Variants in DICER1 observed in about 807,000 individuals in gnomAD.
The protein encoded by DICER1 is endoribonuclease Dicer.
Under a neutral mutation model 194.1 loss-of-function variants are expected in DICER1, and 43 were observed. That is an observed-to-expected ratio of 0.22 (90% CI 0.17 to 0.29). The LOEUF is 0.29. Among genes scored for constraint, DICER1 ranks in the 10% least tolerant of loss-of-function variants. The pLI, the probability that DICER1 is intolerant of heterozygous loss-of-function variation, is 1.00. For missense variants in DICER1, 1,608 were observed against 2,317.0 expected, an observed-to-expected ratio of 0.69 and a Z score of 6.28; for synonymous variants, 832 against 820.5, an observed-to-expected ratio of 1.01 and a Z score of -0.24.
intron 1 of DICER1, among the ~76,000 whole-genome samples, chr14:95,143,524 T>C (rs1376211752): frequency 2.0e-5 from 3 of 152,166 alleles, no homozygotes; most frequent in Admixed American, 6.5e-5. Context: ...TAGGAGGAGA[T>C]GGGCCTAATC....
intron 4 of DICER1, among the ~76,000 whole-genome samples, 190 bp from the exon 5 acceptor site, chr14:95,130,382 GAA>G (rs902258876): frequency 1.3e-5 from 2 of 152,168 alleles, no homozygotes; most frequent in Non-Finnish European, 2.9e-5. Flanking sequence ...GAAAGCATGG[GAA>G]AAGAGTAGAG....
chr14:95,097,470 C>A (rs1448268136), intron 22 of DICER1, among the ~76,000 whole-genome samples: 1 of 152,164 alleles, frequency 6.6e-6, no homozygotes, highest in Non-Finnish European at 1.5e-5. Flanking sequence ...TGAAACACAA[C>A]AATCCAATTT....
In DICER1 at chr14:95,090,420, G is replaced by A. The variant is rs1429164565; in HGVS notation, c.*78C>T. 6.5e-7 allele frequency: 1 copy of A among 1,527,974 alleles called. No homozygotes were observed. Among genetic ancestry groups the A allele is most frequent in the East Asian group, 2.3e-5 (1 of 44,418 alleles). The allele number at this position is 1,527,974 out of a possible 1,614,324, so 94.7% of individuals were successfully genotyped here. A position where few individuals can be genotyped will look rare whatever the true frequency, so the allele number is the denominator to read the frequency against. ...TCATTCCACTCACTAACAACTTTAA[G>A]TCTTCCTTTCCGATTTAAATAATTT... On this transcript the variant is annotated 3_prime_UTR_variant, in exon 27 of 27. Coordinates refer to ENST00000343455, the MANE Select transcript of DICER1 (RefSeq NM_177438.3).
chr14:95,140,204 G>C (rs1397351905), intron 1 of DICER1, among the ~76,000 whole-genome samples: 1 of 152,122 alleles, frequency 6.6e-6, no homozygotes, highest in East Asian at 1.9e-4. Flanking sequence ...AACTAGTGAG[G>C]TTGTTTCATA....
chr14:95,095,271 T>G (rs17784006), intron 23 of DICER1: 10,155 of 160,674 alleles, frequency 0.063, 408 homozygotes, highest in Non-Finnish European at 0.086. Flanking sequence ...TGACAGTCTA[T>G]TAAAAGAGGG....
At chr14:95,118,182 C>A (rs1189637859) in intron 8 of DICER1, among the ~76,000 whole-genome samples, 1 of 152,178 alleles carries the variant, frequency 6.6e-6, no homozygotes, top group Non-Finnish European at 1.5e-5. Context: ...CAACTCAACA[C>A]CCTTCTCTAG....
chr14:95,147,543 A>C (rs1204864026), intron 1 of DICER1, among the ~76,000 whole-genome samples: 1 of 152,170 alleles, frequency 6.6e-6, no homozygotes, highest in Non-Finnish European at 1.5e-5. Context: ...AACACACACA[A>C]ACTGTTTTTC....
chr14:95,090,746 G>T, intron 26 of DICER1, 83 bp from the exon 27 acceptor site: 1 of 1,501,888 alleles, frequency 6.7e-7, no homozygotes, highest in Non-Finnish European at 9.2e-7. Context: ...GCACTCTCAG[G>T]CCAGGAGTCC....
rs148897450 is a variant in DICER1 at position 95,088,889 on chromosome 14, A to C, written c.*1609T>G. On this transcript the variant is annotated 3_prime_UTR_variant, in exon 27 of 27. Transcript: ENST00000343455. The stretch of plus-strand genomic sequence containing the variant: ...TCCACGAAGCATCAAGTTCAGAATC[A>C]TGTGCTGGGAAATATGAGACACCTC... 1.2e-3 allele frequency: 286 copies of C among 233,594 alleles called. No homozygotes were observed. Among genetic ancestry groups the C allele is most frequent in the African/African-American group, 5.8e-3 (263 of 45,436 alleles). 14.5% of individuals were successfully genotyped at this position (233,594 alleles called of 1,614,324 possible).
At chr14:95,090,857 T>C in intron 26 of DICER1, 177 bp downstream of exon 26, 1 of 948,280 alleles carries the variant, frequency 1.1e-6, no homozygotes. Context: ...TATTACAGCA[T>C]TATTTCATAA....
At chr14:95,150,075 T>C (rs1029906438) in intron 1 of DICER1, among the ~76,000 whole-genome samples, 7 of 152,244 alleles carry the variant, frequency 4.6e-5, no homozygotes, top group African/African-American at 1.7e-4. Context: ...CTAATCTGAC[T>C]CCAACCTTGA....
At chr14:95,100,016 T>A (rs1890738615) in intron 21 of DICER1, 81 bp from the exon 22 acceptor site, 2 of 1,452,658 alleles carry the variant, frequency 1.4e-6, no homozygotes, top group Admixed American at 3.6e-5. Context: ...ATATCCTCAG[T>A]TAAATGTTCT....
In DICER1 at chr14:95,105,460, A is replaced by G. The variant is rs1891331658; in HGVS notation, c.3094-214T>C. Among the ~76,000 whole-genome samples, 1 of 152,230 alleles carries G rather than the reference A, an allele frequency of 6.6e-6. No individual in the cohort carries two copies. Among genetic ancestry groups the G allele is most frequent in the Non-Finnish European group, 1.5e-5 (1 of 68,036 alleles). ...GTGATATATTAATGGGCCAAGTATA[A>G]AAACAAAACTCTCAATACTTACCAA... On this transcript the variant is annotated intron_variant, in intron 19 of 26. Transcript: ENST00000343455. The surrounding 1 kb of genome is among the most constrained non-coding windows in gnomAD (Gnocchi z 4.9).
In DICER1 at chr14:95,104,011, G is replaced by T; in HGVS notation, c.3385C>A (p.Pro1129Thr). The part of the protein sequence containing the change: ...DNYCKHSTIV[P>T]ENAAHQGANR... ...GCACCTTGATGTGCAGCATTTTCAG[G>T]GACAATTGTGCTGTGCTTACAGTAA... The change falls in exon 21 of 27, where the codon CCT becomes ACT. Residue 1129 changes from proline to threonine, a missense_variant. Around this residue, in one of 10 missense-constraint regions of DICER1, gnomAD observed 222 missense variants for 215.5 expected, o/e 1.03. Coordinates refer to ENST00000343455, the MANE Select transcript of DICER1 (RefSeq NM_177438.3). The T allele has an allele frequency of 6.2e-7, 1 of 1,614,026 alleles. No individual in the cohort carries two copies. Among genetic ancestry groups the T allele is most frequent in the Admixed American group, 1.7e-5 (1 of 60,018 alleles).
At position 95,093,869 on chromosome 14, in the gene DICER1, C is replaced by T. The variant is rs200765325; in HGVS notation, c.5364+19G>A. On this transcript the variant is annotated intron_variant, in intron 24 of 26. Transcript: ENST00000343455. ...CTAGTTAGACCACTTTTTTCAACAT[C>T]GTTTTGAACAGCACTAACCTCAGAA... is the stretch of plus-strand genomic sequence containing the variant. 12 of 1,613,738 alleles carry T rather than the reference C, an allele frequency of 7.4e-6. No individual in the cohort carries two copies. The African/African-American group carries it at 8.0e-5, about 11-fold the overall frequency.
chr14:95,154,557 T>C (rs1895719101), intron 1 of DICER1, among the ~76,000 whole-genome samples: 1 of 152,146 alleles, frequency 6.6e-6, no homozygotes, highest in Admixed American at 6.5e-5. Flanking sequence ...ATCTAAATCA[T>C]CACAGATGAG....
At position 95,087,792 on chromosome 14, in the gene DICER1, TC is replaced by T. The variant is rs1889456562; in HGVS notation, c.*2705del. ...GCTTTTTCAAGACACGCCTCCCCAGTCCTTTACACACGTGCTCAGGGCACAA... is the reference window on the plus strand; with the variant it reads ...GCTTTTTCAAGACACGCCTCCCCAGTCTTTACACACGTGCTCAGGGCACAA... On this transcript the variant is annotated 3_prime_UTR_variant, in exon 27 of 27. Transcript: ENST00000343455. The T allele has an allele frequency of 1.3e-5, 3 of 233,132 alleles. No individual in the cohort carries two copies. The highest frequency in any genetic ancestry group is 6.6e-5 in the African/African-American group (3 of 45,340). The allele number at this position is 233,132 out of a possible 1,614,324, so 14.4% of individuals were successfully genotyped here. A position where few individuals can be genotyped will look rare whatever the true frequency, so the allele number is the denominator to read the frequency against.
At chr14:95,150,507 G>GT (rs1895444045) in intron 1 of DICER1, among the ~76,000 whole-genome samples, 1 of 152,028 alleles carries the variant, frequency 6.6e-6, no homozygotes, top group African/African-American at 2.4e-5. Context: ...AAAAGAAATC[G>GT]TATTTTGTTA....
chr14:95,108,153 G>T, intron 15 of DICER1, 60 bp from the exon 16 acceptor site: 1 of 1,402,126 alleles, frequency 7.1e-7, no homozygotes, highest in Non-Finnish European at 1.0e-6. Context: ...TTCCATTACA[G>T]TTAACTTCAG....
Sources: allele counts gnomAD v4.1 joint callset (sites outside exome capture counted in the v4.1 genomes callset), GRCh38; gene constraint gnomAD v4.1.1; regional missense constraint gnomAD v4.1.1; non-coding constraint Gnocchi (gnomAD v3.1); transcripts MANE v1.5; gene names NCBI Gene and HGNC (gene_info 2026-07-23, HGNC 2026-07-21).